RUFY3: variants seen among roughly 807,000 people sequenced by gnomAD.
The protein encoded by RUFY3 is RUN and FYVE domain containing 3.
RUFY3 carries 34 observed loss-of-function variants against 84.0 expected under a neutral mutation model. The ratio of observed to expected loss-of-function variants is 0.40; its 90% CI spans 0.31 to 0.54. The LOEUF is 0.54. Ranked by LOEUF, RUFY3 falls within the 20% of genes least tolerant of loss-of-function variation. The pLI is 0.39. For synonymous variants in RUFY3, 242 were observed against 252.9 expected, an observed-to-expected ratio of 0.96 and a Z score of 0.41; for missense variants, 507 against 736.8, an observed-to-expected ratio of 0.69 and a Z score of 3.61.
chr4:70,741,538 T>C, intron 1 of RUFY3: 2 of 1,106,304 alleles, frequency 1.8e-6, no homozygotes, highest in East Asian at 2.8e-5. Flanking sequence ...CAGTTATCCC[T>C]TTGGAAATCT....
intron 1 of RUFY3, among the ~76,000 whole-genome samples, chr4:70,715,588 CAAAAAAAAAA>C (rs886636641): frequency 4.3e-5 from 2 of 46,666 alleles, no homozygotes; most frequent in Admixed American, 5.6e-4. Flanking sequence ...ACACTATCTC[CAAAAAAAAAA>C]AAAAAAAAAA....
At chr4:70,787,168 G>GAAAAA (rs71211959) in intron 10 of RUFY3, among the ~76,000 whole-genome samples, 5 of 52,990 alleles carry the variant, frequency 9.4e-5, no homozygotes, top group African/African-American at 4.3e-4. Context: ...CCCTGTCTCA[G>GAAAAA]AAAAAAAAAA....
chr4:70,805,184 C>T (rs1447814197), intron 17 of RUFY3, among the ~76,000 whole-genome samples: 1 of 152,224 alleles, frequency 6.6e-6, no homozygotes, highest in African/African-American at 2.4e-5. Context: ...AGCTTCCAAC[C>T]TAGCTTTCGC....
chr4:70,783,987 T>C (rs1465913097), intron 9 of RUFY3, among the ~76,000 whole-genome samples: 1 of 152,214 alleles, frequency 6.6e-6, no homozygotes, highest in Non-Finnish European at 1.5e-5. Flanking sequence ...TTATTAAAAT[T>C]GTTCTTAAAG....
intron 5 of RUFY3, among the ~76,000 whole-genome samples, chr4:70,769,820 G>GTTTTTGT (rs1184794701): frequency 6.6e-6 from 1 of 151,840 alleles, no homozygotes; most frequent in Non-Finnish European, 1.5e-5. Context: ...TTTTGTTTTT[G>GTTTTTGT]TTTTTGTTTT....
intron 11 of RUFY3, 86 bp from the exon 12 acceptor site, chr4:70,789,409 C>T (rs918782833): frequency 8.0e-7 from 1 of 1,243,844 alleles, no homozygotes; most frequent in East Asian, 2.4e-5. Context: ...TCTGTTTTCC[C>T]ACTTACCATT....
intron 2 of RUFY3, 51 bp from the exon 3 acceptor site, chr4:70,763,501 C>A: frequency 7.0e-7 from 1 of 1,425,116 alleles, no homozygotes; most frequent in East Asian, 2.3e-5. Context: ...ATTGAGAGTG[C>A]GCTTATGTTG....
At chr4:70,717,825 A>G (rs1382249452), upstream of RUFY3, among the ~76,000 whole-genome samples, 1 of 150,596 alleles carries the variant, frequency 6.6e-6, no homozygotes, top group Non-Finnish European at 1.5e-5. Context: ...TATAAAGAGA[A>G]GGTATCAATC....
intron 1 of RUFY3, among the ~76,000 whole-genome samples, chr4:70,740,050 A>G (rs1249316559): frequency 6.6e-6 from 1 of 152,084 alleles, no homozygotes; most frequent in African/African-American, 2.4e-5. Context: ...TAAGAATGAA[A>G]AAAAATCAAT....
chr4:70,804,745 G>A (rs982067462), intron 17 of RUFY3, among the ~76,000 whole-genome samples: 4 of 137,668 alleles, frequency 2.9e-5, no homozygotes, highest in Non-Finnish European at 4.6e-5. Flanking sequence ...GTAAAACCCC[G>A]TCTGTACTAA....
At chr4:70,704,111 T>C (rs1416043496), upstream of RUFY3, 1 of 152,244 alleles carries the variant, frequency 6.6e-6, no homozygotes, top group East Asian at 1.9e-4. Flanking sequence ...CGACCTGTAA[T>C]TGACATTTGT....
intron 10 of RUFY3, among the ~76,000 whole-genome samples, chr4:70,787,683 G>A (rs765584954): frequency 5.8e-4 from 88 of 152,158 alleles, no homozygotes; most frequent in South Asian, 2.1e-3. Context: ...AAGAAAGGTC[G>A]CAGAAATAAT....
At chr4:70,758,847 G>A (rs1282266028) in intron 1 of RUFY3, among the ~76,000 whole-genome samples, 1 of 151,972 alleles carries the variant, frequency 6.6e-6, no homozygotes, top group African/African-American at 2.4e-5. Context: ...AGACCATCCT[G>A]GTTAACACAG....
Position 70,789,626 on chromosome 4 carries a change from G to C in RUFY3, c.1337+34G>C, listed in dbSNP as rs779930788. 48 of 1,604,460 alleles carry C rather than the reference G, an allele frequency of 3.0e-5. No homozygotes were observed. The Middle Eastern group carries it at 5.0e-4, about 17-fold the overall frequency. Reference sequence around the variant, plus strand: ...CCTGTTTCTTTAATGAAACACTTTGGATTGTCAGTGCTGAAGTGAAAAGAA... The same window carrying C: ...CCTGTTTCTTTAATGAAACACTTTGCATTGTCAGTGCTGAAGTGAAAAGAA... On this transcript the variant is annotated intron_variant, in intron 12 of 17. Transcript: ENST00000381006.
At chr4:70,778,163 GGCAGAGGTT>G (rs1004255332) in intron 7 of RUFY3, among the ~76,000 whole-genome samples, 197 bp from the exon 8 acceptor site, 1 of 152,144 alleles carries the variant, frequency 6.6e-6, no homozygotes, top group African/African-American at 2.4e-5. Context: ...GAACCCAGGA[GGCAGAGGTT>G]GCAGGGAGCC....
intron 1 of RUFY3, among the ~76,000 whole-genome samples, chr4:70,758,396 C>T (rs1724399958): frequency 6.6e-6 from 1 of 151,956 alleles, no homozygotes; most frequent in South Asian, 2.1e-4. Context: ...TTCGGGAGGC[C>T]AACATGGGAG....
chr4:70,705,319 C>T, intron 1 of RUFY3: 1 of 1,337,598 alleles, frequency 7.5e-7, no homozygotes, highest in Non-Finnish European at 9.6e-7. Context: ...GGCATGGGGA[C>T]GCCCGCGGGG....
chr4:70,741,665 C>A, intron 1 of RUFY3: 2 of 1,520,478 alleles, frequency 1.3e-6, no homozygotes, highest in Admixed American at 2.1e-5. Context: ...GGAGCAAATG[C>A]GCGATGATAC....
At chr4:70,797,931 T>G (rs559004549) in intron 14 of RUFY3, among the ~76,000 whole-genome samples, 21 of 152,320 alleles carry the variant, frequency 1.4e-4, no homozygotes, top group Non-Finnish European at 2.5e-4. Context: ...TCTAAAAGGC[T>G]TACAAAAGTT....
Sources: gnomAD v4.1 joint callset for allele counts (sites outside exome capture counted in the v4.1 genomes callset) on GRCh38, gnomAD v4.1.1 for gene constraint, MANE v1.5 for transcripts, NCBI Gene and HGNC (gene_info 2026-07-23, HGNC 2026-07-21) for gene names.